The following GRIN2A variants were observed in gnomAD, a reference collection of about 807,000 sequenced individuals.
GRIN2A encodes glutamate ionotropic receptor NMDA type subunit 2A.
GRIN2A carries 22 observed loss-of-function variants against 113.4 expected under a neutral mutation model. The ratio of observed to expected loss-of-function variants is 0.19; its 90% confidence interval spans 0.14 to 0.28. GRIN2A has a LOEUF of 0.28. GRIN2A is among the 10% of genes least tolerant of loss of function. GRIN2A has a pLI of 1.00. For missense variants in GRIN2A, 1,502 were observed against 1,887.0 expected (o/e 0.80, Z 3.78); for synonymous variants, 827 against 738.4 (o/e 1.12, Z -1.94).
chr16:9,808,621 G>A (rs1268894227), intron 10 of GRIN2A, among the ~76,000 whole-genome samples: 1 of 152,094 alleles, frequency 6.6e-6, no homozygotes, highest in Non-Finnish European at 1.5e-5. Context: ...GCTGAGAGAG[G>A]TTATTTAATT....
chr16:10,127,186 C>T (rs1448255), intron 2 of GRIN2A, among the ~76,000 whole-genome samples: 11,944 of 151,668 alleles, frequency 0.079, 544 homozygotes, highest in Admixed American at 0.11. Flanking sequence ...GAGCAGAGAT[C>T]GTGCCACTCC....
chr16:10,001,293 G>A (rs1239297457), intron 2 of GRIN2A, among the ~76,000 whole-genome samples: 2 of 152,190 alleles, frequency 1.3e-5, no homozygotes, highest in Admixed American at 6.5e-5. Context: ...GGTTTAAATT[G>A]TGGCTCTATT....
intron 2 of GRIN2A, among the ~76,000 whole-genome samples, chr16:10,036,136 G>A (rs1282718576): frequency 6.6e-6 from 1 of 152,144 alleles, no homozygotes; most frequent in Non-Finnish European, 1.5e-5. Flanking sequence ...TGAGATCAGG[G>A]GTTTTTCTGA....
intron 2 of GRIN2A, among the ~76,000 whole-genome samples, chr16:10,125,907 A>G (rs1265275888): frequency 6.6e-6 from 1 of 151,980 alleles, no homozygotes; most frequent in Admixed American, 6.5e-5. Context: ...CTCAGAGCAG[A>G]AGGAGGTCTG....
intron 10 of GRIN2A, among the ~76,000 whole-genome samples, chr16:9,801,646 C>A (rs1223449421): frequency 2.0e-5 from 3 of 152,190 alleles, no homozygotes; most frequent in Admixed American, 1.3e-4. Flanking sequence ...AGGAAGTTTT[C>A]TTTGGGAACA....
chr16:9,902,965 G>T (rs1383435069), intron 3 of GRIN2A, among the ~76,000 whole-genome samples: 1 of 84,128 alleles, frequency 1.2e-5, no homozygotes. Context: ...TTTTTGGCGG[G>T]GGGGTGGGGG....
chr16:10,056,814 C>T (rs7197538), intron 2 of GRIN2A, among the ~76,000 whole-genome samples: 61,738 of 151,916 alleles, frequency 0.41, 13,520 homozygotes, highest in East Asian at 0.87. Flanking sequence ...GGAAAGAGAA[C>T]AGTAATGCCA....
At chr16:9,808,112 T>G (rs1197151231) in intron 10 of GRIN2A, among the ~76,000 whole-genome samples, 1 of 152,234 alleles carries the variant, frequency 6.6e-6, no homozygotes, top group Non-Finnish European at 1.5e-5. Context: ...AAGCATAGCG[T>G]TTTTATAATA....
chr16:9,848,735 A>G (rs2042824207), intron 5 of GRIN2A, among the ~76,000 whole-genome samples: 1 of 64,378 alleles, frequency 1.6e-5, no homozygotes. Flanking sequence ...TATAAAATAC[A>G]CTGTTTTATA....
In GRIN2A at chr16:9,898,268, C is replaced by A. The variant is rs574889036; in HGVS notation, c.1008-7168G>T. On this transcript the variant is annotated intron_variant, in intron 3 of 12. Coordinates refer to ENST00000330684, the MANE Select transcript of GRIN2A (RefSeq NM_001134407.3). ...CCACCCTGTCATATTTTCTAACACCCTACTACAAATGCAATGCTTTTTAAA... is the reference window on the plus strand; with the variant it reads ...CCACCCTGTCATATTTTCTAACACCATACTACAAATGCAATGCTTTTTAAA... Among the ~76,000 whole-genome samples the A allele has an allele frequency of 5.3e-5, 8 of 152,218 alleles. No homozygotes were observed. The South Asian group carries it at 1.7e-3, about 32-fold the overall frequency.
At chr16:10,048,963 C>T (rs1174687720) in intron 2 of GRIN2A, among the ~76,000 whole-genome samples, 3 of 152,206 alleles carry the variant, frequency 2.0e-5, no homozygotes, top group African/African-American at 7.2e-5. Context: ...CTGGCCCCAG[C>T]CCCTGCCCAT....
At chr16:9,893,694 T>C (rs1476113316) in intron 3 of GRIN2A, among the ~76,000 whole-genome samples, 1 of 152,182 alleles carries the variant, frequency 6.6e-6, no homozygotes, top group African/African-American at 2.4e-5. Flanking sequence ...CCCGAACTCC[T>C]GACCTCAGGT....
intron 4 of GRIN2A, among the ~76,000 whole-genome samples, chr16:9,855,611 C>T (rs1345328467): frequency 6.6e-6 from 1 of 152,126 alleles, no homozygotes; most frequent in Non-Finnish European, 1.5e-5. Flanking sequence ...ATGTAAAATG[C>T]AAGGATAAGC....
intron 9 of GRIN2A, among the ~76,000 whole-genome samples, chr16:9,824,281 T>A (rs2042345603): frequency 6.6e-6 from 1 of 152,130 alleles, no homozygotes; most frequent in African/African-American, 2.4e-5. Context: ...TTGCAGTCAC[T>A]CCACCAAGCA....
rs2046058609 is a variant in GRIN2A at position 9,989,520 on chromosome 16, C to A, written c.415-50969G>T. On this transcript the variant is annotated intron_variant, in intron 2 of 12. Transcript: ENST00000330684. ...ACTAAGTCCTCAAAAGCAAATGCAA[C>A]AAAAAAAAATTGACAATCGGAATCT... 2.0e-5 allele frequency among the ~76,000 whole-genome samples: 3 copies of A among 150,438 alleles called. No homozygotes were observed. In the South Asian group the frequency reaches 6.3e-4, roughly 32 times the overall value.
At chr16:9,885,843 G>C (rs1181790739) in intron 4 of GRIN2A, among the ~76,000 whole-genome samples, 1 of 152,212 alleles carries the variant, frequency 6.6e-6, no homozygotes, top group Non-Finnish European at 1.5e-5. Flanking sequence ...AGTGCCAAGA[G>C]GATAGAGCAA....
chr16:9,881,736 C>A (rs7203268), intron 4 of GRIN2A, among the ~76,000 whole-genome samples: 37,599 of 152,012 alleles, frequency 0.25, 4,903 homozygotes, highest in African/African-American at 0.32. Flanking sequence ...CATGAGCTCT[C>A]AGTGCTAGCC....
At chr16:10,167,797 G>T (rs1238456081) in intron 2 of GRIN2A, among the ~76,000 whole-genome samples, 2 of 152,172 alleles carry the variant, frequency 1.3e-5, no homozygotes, top group African/African-American at 2.4e-5. Context: ...AACAGAAAGT[G>T]AAAGCATTTG....
chr16:9,892,049 A>G (rs920674367), intron 3 of GRIN2A, among the ~76,000 whole-genome samples: 2 of 151,992 alleles, frequency 1.3e-5, no homozygotes, highest in Non-Finnish European at 2.9e-5. Context: ...ACCAACATGG[A>G]GAAACCCCGT....
Sources: allele counts gnomAD v4.1 joint callset (sites outside exome capture counted in the v4.1 genomes callset), GRCh38; gene constraint gnomAD v4.1.1; transcripts MANE v1.5; gene names NCBI Gene and HGNC (gene_info 2026-07-23, HGNC 2026-07-21).